SYN3: variants seen among roughly 807,000 people sequenced by gnomAD.
The protein encoded by SYN3 is synapsin III.
Under a neutral mutation model 65.8 loss-of-function variants are expected in SYN3, and 35 were observed. The observed-to-expected ratio is 0.53, with a 90% CI of 0.41 to 0.70. The LOEUF (loss-of-function observed/expected upper bound fraction) is 0.70, where lower values mean the gene tolerates loss of function less well. Among genes scored for constraint, SYN3 ranks in the 30% least tolerant of loss-of-function variants. The pLI, the probability that SYN3 is intolerant of heterozygous loss-of-function variation, is 0.00. For synonymous variants in SYN3, 270 were observed against 292.9 expected (o/e 0.92, Z 0.80); for missense variants, 680 against 749.0 (o/e 0.91, Z 1.08).
intron 2 of SYN3, among the ~76,000 whole-genome samples, chr22:32,988,504 CAG>C (rs1290582591): frequency 6.6e-6 from 1 of 151,982 alleles, no homozygotes; most frequent in Non-Finnish European, 1.5e-5. Context: ...TACTATGTGC[CAG>C]AGTCTGCAGG....
intron 6 of SYN3, among the ~76,000 whole-genome samples, chr22:32,733,500 G>A (rs990216633): frequency 1.3e-5 from 2 of 152,228 alleles, no homozygotes; most frequent in African/African-American, 4.8e-5. Flanking sequence ...GGCTGTCTGA[G>A]CCCAGGAGAG....
chr22:32,718,774 C>G (rs1014924117), intron 6 of SYN3, among the ~76,000 whole-genome samples: 6 of 152,032 alleles, frequency 3.9e-5, no homozygotes, highest in African/African-American at 1.4e-4. Context: ...AACAGGAAGA[C>G]AGAAAGATAA....
At chr22:33,033,139 C>G (rs2053784529) in intron 1 of SYN3, among the ~76,000 whole-genome samples, 1 of 152,034 alleles carries the variant, frequency 6.6e-6, no homozygotes, top group Non-Finnish European at 1.5e-5. Flanking sequence ...CACCACCACG[C>G]CCAGCTAATT....
At chr22:32,514,132 T>C (rs151032923) in intron 13 of SYN3, among the ~76,000 whole-genome samples, 32 of 152,320 alleles carry the variant, frequency 2.1e-4, no homozygotes, top group African/African-American at 7.5e-4. Flanking sequence ...TACCAGACTG[T>C]TGAGGCAGCA....
chr22:32,695,838 CT>C (rs145705786), intron 6 of SYN3, among the ~76,000 whole-genome samples: 9,360 of 151,554 alleles, frequency 0.062, 326 homozygotes, highest in Non-Finnish European at 0.085. Context: ...CTCTCTTTTC[CT>C]TTTTTTTTCT....
chr22:32,577,147 G>A (rs1601676513), intron 7 of SYN3, among the ~76,000 whole-genome samples: 2 of 152,088 alleles, frequency 1.3e-5, no homozygotes, highest in Non-Finnish European at 2.9e-5. Context: ...CAAGCTTCCC[G>A]GGTGCTTCGA....
chr22:32,618,375 G>A (rs1464655474), intron 6 of SYN3, among the ~76,000 whole-genome samples: 2 of 152,144 alleles, frequency 1.3e-5, no homozygotes, highest in Non-Finnish European at 2.9e-5. Context: ...GAAAGTGGAT[G>A]GGAACAAACA....
chr22:32,682,071 G>GACAAAGTCGACAGTC (rs1189525689), intron 6 of SYN3, among the ~76,000 whole-genome samples: 4 of 151,982 alleles, frequency 2.6e-5, no homozygotes, highest in South Asian at 2.1e-4. Context: ...GAGATGAGGG[G>GACAAAGTCGACAGTC]CAGCAGGGGT....
At chr22:33,008,924 C>CAAAAAAAAAAAAAAAA (rs201719238) in intron 1 of SYN3, among the ~76,000 whole-genome samples, 7 of 57,066 alleles carry the variant, frequency 1.2e-4, no homozygotes, top group Non-Finnish European at 1.6e-4. Flanking sequence ...GACTTTATCT[C>CAAAAAAAAAAAAAAAA]AAAAAAAAAA....
At chr22:32,888,858 T>A (rs1242806617) in intron 4 of SYN3, among the ~76,000 whole-genome samples, 5 of 141,772 alleles carry the variant, frequency 3.5e-5, no homozygotes, top group South Asian at 2.7e-4. Flanking sequence ...AAATCTGAAA[T>A]CAAAAACCCT....
intron 4 of SYN3, among the ~76,000 whole-genome samples, chr22:32,927,591 T>C (rs2050510341): frequency 6.6e-6 from 1 of 152,152 alleles, no homozygotes; most frequent in Non-Finnish European, 1.5e-5. Context: ...CCTCAGAATA[T>C]CTTAATTCCA....
At chr22:32,834,948 TC>T (rs987503023) in intron 6 of SYN3, among the ~76,000 whole-genome samples, 4 of 152,230 alleles carry the variant, frequency 2.6e-5, no homozygotes, top group Non-Finnish European at 5.9e-5. Flanking sequence ...ACTAGTGGCC[TC>T]CCCTTCTCTT....
At chr22:32,779,091 G>T (rs945197064) in intron 6 of SYN3, among the ~76,000 whole-genome samples, 3 of 152,212 alleles carry the variant, frequency 2.0e-5, no homozygotes, top group African/African-American at 7.2e-5. Flanking sequence ...AAAATGTAAT[G>T]TAAATCCAAA....
chr22:32,860,516 G>A (rs940867656), intron 6 of SYN3: 3 of 152,588 alleles, frequency 2.0e-5, no homozygotes, highest in East Asian at 3.9e-4. Flanking sequence ...AGAAAATCAT[G>A]ACATTCCAAG....
intron 7 of SYN3, among the ~76,000 whole-genome samples, chr22:32,578,210 TTTTC>T (rs1157216049): frequency 5.9e-5 from 9 of 151,986 alleles, no homozygotes; most frequent in African/African-American, 1.4e-4. Context: ...CTCTCTTTCT[TTTTC>T]TTTCTTTCTT....
At chr22:32,954,430 G>T (rs575706423) in intron 3 of SYN3, among the ~76,000 whole-genome samples, 4 of 152,226 alleles carry the variant, frequency 2.6e-5, no homozygotes, top group African/African-American at 9.6e-5. Context: ...AATGTTCAGA[G>T]ATTTTAAGAC....
At chr22:32,564,825 C>T (rs2058640513) in intron 7 of SYN3, among the ~76,000 whole-genome samples, 2 of 151,032 alleles carry the variant, frequency 1.3e-5, no homozygotes, top group African/African-American at 4.9e-5. Context: ...TGTACCCAAA[C>T]AGTGCTCCCG....
chr22:32,754,922 C>G (rs923712532), intron 6 of SYN3, among the ~76,000 whole-genome samples: 4 of 152,216 alleles, frequency 2.6e-5, no homozygotes, highest in Non-Finnish European at 4.4e-5. Context: ...GGCCCCACAG[C>G]TGGCCCAGAG....
intron 6 of SYN3, among the ~76,000 whole-genome samples, chr22:32,751,920 T>A (rs1249156435): frequency 6.6e-6 from 1 of 152,202 alleles, no homozygotes; most frequent in Admixed American, 6.5e-5. Context: ...GCTTTATGCA[T>A]GTTCTGATGT....
Sources: gnomAD v4.1 joint callset for allele counts (sites outside exome capture counted in the v4.1 genomes callset) on GRCh38, gnomAD v4.1.1 for gene constraint, MANE v1.5 for transcripts, NCBI Gene and HGNC (gene_info 2026-07-23, HGNC 2026-07-21) for gene names.